Variants in ATRNL1 observed in about 807,000 individuals in gnomAD.
The protein encoded by ATRNL1 is attractin like 1.
ATRNL1 carries 95 observed loss-of-function variants against 182.7 expected under a neutral mutation model. The observed-to-expected ratio is 0.52, with a 90% CI of 0.44 to 0.62. ATRNL1 has a LOEUF of 0.62. Ranked by LOEUF, ATRNL1 falls within the 20% of genes least tolerant of loss-of-function variation. ATRNL1 has a pLI of 0.00. For missense variants in ATRNL1, 1,471 were observed against 1,679.5 expected (o/e 0.88, Z 2.17); for synonymous variants, 576 against 568.3 (o/e 1.01, Z -0.19).
At chr10:115,235,536 G>A (rs1329452221) in intron 9 of ATRNL1, among the ~76,000 whole-genome samples, 1 of 151,630 alleles carries the variant, frequency 6.6e-6, no homozygotes, top group Admixed American at 6.6e-5. Context: ...TTTTTCCAGA[G>A]TTCGTCTGTA....
In ATRNL1 at chr10:115,758,139, C is replaced by A. The variant is rs1253084658; in HGVS notation, c.3903+30784C>A. Among the ~76,000 whole-genome samples the A allele has an allele frequency of 2.6e-5, 4 of 151,864 alleles. No individual in the cohort carries two copies. The East Asian group carries it at 7.8e-4, about 30-fold the overall frequency. On this transcript the variant is annotated intron_variant, in intron 27 of 28. Coordinates refer to ENST00000355044, the MANE Select transcript of ATRNL1 (RefSeq NM_207303.4). ...TTAGCTCGAAGGAGTTTGTTATTAC[C>A]CACCTTCTGAAGCCTACTTCTGATA...
chr10:115,121,736 G>T lies in ATRNL1; in HGVS notation c.415G>T (p.Ala139Ser). 1 of 1,565,916 alleles carries T rather than the reference G, an allele frequency of 6.4e-7. No homozygotes were observed. Among genetic ancestry groups the T allele is most frequent in the Non-Finnish European group, 8.7e-7 (1 of 1,154,346 alleles). ...GTTAAGATTAAGATTCAATCATTTT[G>T]CTACAGAATGTAGCTGGGATCATAT... ...AVLRLRFNHF[A>S]TECSWDHMYV... The change falls in exon 3 of 29, where the codon GCT becomes TCT. Residue 139 changes from alanine (A) to serine (S), a missense_variant. Physicochemically the swap from Ala to Ser is moderately conservative, Grantham distance 99. Coordinates refer to ENST00000355044, the MANE Select transcript of ATRNL1 (RefSeq NM_207303.4).
chr10:115,106,556 G>A (rs782265739), intron 1 of ATRNL1, among the ~76,000 whole-genome samples: 1 of 152,112 alleles, frequency 6.6e-6, no homozygotes, highest in Non-Finnish European at 1.5e-5. Flanking sequence ...AGAATTTTTT[G>A]ATGTGTTATG....
chr10:115,419,602 C>G (rs1845561536), intron 20 of ATRNL1, among the ~76,000 whole-genome samples: 1 of 151,992 alleles, frequency 6.6e-6, no homozygotes, highest in African/African-American at 2.4e-5. Flanking sequence ...GGAAATGGAA[C>G]CCCAAAAAGA....
chr10:115,884,247 G>A (rs530295789), intron 28 of ATRNL1, among the ~76,000 whole-genome samples: 2 of 152,282 alleles, frequency 1.3e-5, no homozygotes, highest in South Asian at 4.2e-4. Flanking sequence ...CTTATAAACA[G>A]AATCCTGGCC....
chr10:115,937,084 T>C (rs1220720245), intron 28 of ATRNL1, among the ~76,000 whole-genome samples: 1 of 152,184 alleles, frequency 6.6e-6, no homozygotes, highest in Non-Finnish European at 1.5e-5. Context: ...TTTGAGACAG[T>C]CATGATTTAT....
At chr10:115,375,020 T>A (rs949428698) in intron 19 of ATRNL1, among the ~76,000 whole-genome samples, 19 of 149,016 alleles carry the variant, frequency 1.3e-4, no homozygotes, top group Admixed American at 4.0e-4. Context: ...CCAATGTTGT[T>A]TTTTTTTTAA....
intron 6 of ATRNL1, 55 bp downstream of exon 6, chr10:115,160,269 A>G (rs899099278): frequency 1.9e-5 from 29 of 1,498,204 alleles, no homozygotes; most frequent in East Asian, 1.1e-4. Context: ...TTTATCCAAA[A>G]TGTCTTTTTT....
chr10:115,870,643 T>G (rs532612851), intron 28 of ATRNL1, among the ~76,000 whole-genome samples: 2 of 152,314 alleles, frequency 1.3e-5, no homozygotes, highest in African/African-American at 4.8e-5. Flanking sequence ...CAATCCATCT[T>G]GACATTATTT....
rs1300394617 is a variant in ATRNL1 at position 115,093,449 on chromosome 10, C to T, written c.-302C>T. Reference sequence around the variant, plus strand: ...CAGGTCCCCTCAGGAGCGCCGGGCGCAGTCTGCGCCTCCCGCTCCCCGCCT... The same window carrying T: ...CAGGTCCCCTCAGGAGCGCCGGGCGTAGTCTGCGCCTCCCGCTCCCCGCCT... On this transcript the variant is annotated 5_prime_UTR_variant, in exon 1 of 29. Coordinates refer to ENST00000355044, the MANE Select transcript of ATRNL1 (RefSeq NM_207303.4). This position sits in a 1 kb window ranked among gnomAD's most constrained non-coding sequence, Gnocchi z 6.1. 3.9e-6 allele frequency: 2 copies of T among 514,204 alleles called. No individual in the cohort carries two copies. The highest frequency in any genetic ancestry group is 5.1e-5 in the East Asian group (1 of 19,726). The allele number at this position is 514,204 out of a possible 1,614,324, so 31.9% of individuals were successfully genotyped here. A position where few individuals can be genotyped will look rare whatever the true frequency, so the allele number is the denominator to read the frequency against.
chr10:115,628,362 A>C (rs1315591649), intron 26 of ATRNL1, among the ~76,000 whole-genome samples: 1 of 151,896 alleles, frequency 6.6e-6, no homozygotes, highest in Non-Finnish European at 1.5e-5. Flanking sequence ...CTTCTTGGCC[A>C]TTTGTATATC....
intron 1 of ATRNL1, among the ~76,000 whole-genome samples, chr10:115,113,840 C>G (rs1554869001): frequency 6.6e-6 from 1 of 152,200 alleles, no homozygotes; most frequent in East Asian, 1.9e-4. Flanking sequence ...ATAATGTAAA[C>G]AAGACTGCAT....
intron 15 of ATRNL1, among the ~76,000 whole-genome samples, chr10:115,288,667 G>A (rs548536873): frequency 1.6e-4 from 24 of 151,886 alleles, no homozygotes; most frequent in Non-Finnish European, 2.8e-4. Flanking sequence ...GATTACAGGC[G>A]TGTGCCACCA....
chr10:115,770,174 T>C (rs542988423), intron 27 of ATRNL1, among the ~76,000 whole-genome samples: 1 of 152,152 alleles, frequency 6.6e-6, no homozygotes, highest in Middle Eastern at 3.4e-3. Context: ...AGAAAGTTTA[T>C]AAGGAAGCAC....
chr10:115,370,494 G>C (rs1429022468), intron 19 of ATRNL1, among the ~76,000 whole-genome samples: 1 of 152,232 alleles, frequency 6.6e-6, no homozygotes, highest in Non-Finnish European at 1.5e-5. Context: ...TGAGGAACTT[G>C]TTGGGAACTG....
At chr10:115,338,403 T>C (rs964949689) in intron 19 of ATRNL1, among the ~76,000 whole-genome samples, 2 of 152,220 alleles carry the variant, frequency 1.3e-5, no homozygotes, top group South Asian at 2.1e-4. Context: ...ACATTTGTTA[T>C]TGCCTGTCTT....
At chr10:115,394,488 G>C (rs1412590785) in intron 19 of ATRNL1, among the ~76,000 whole-genome samples, 171 bp from the exon 20 acceptor site, 2 of 151,900 alleles carry the variant, frequency 1.3e-5, no homozygotes, top group Non-Finnish European at 2.9e-5. Context: ...TCAGAAAAGT[G>C]AATTTACTTC....
At chr10:115,460,554 A>AT (rs782585445) in intron 21 of ATRNL1, among the ~76,000 whole-genome samples, 1 of 152,068 alleles carries the variant, frequency 6.6e-6, no homozygotes, top group African/African-American at 2.4e-5. Context: ...CCTGGCCTCC[A>AT]TTACCTCCTT....
At chr10:115,132,946 T>C (rs1845324030) in intron 5 of ATRNL1, among the ~76,000 whole-genome samples, 1 of 152,228 alleles carries the variant, frequency 6.6e-6, no homozygotes, top group Non-Finnish European at 1.5e-5. Flanking sequence ...TTAGATCCCA[T>C]TTGCCAATTT....
Sources: gnomAD v4.1 joint callset for allele counts (sites outside exome capture counted in the v4.1 genomes callset) on GRCh38, gnomAD v4.1.1 for gene constraint, Gnocchi (gnomAD v3.1) non-coding constraint, MANE v1.5 for transcripts, NCBI Gene and HGNC (gene_info 2026-07-23, HGNC 2026-07-21) for gene names.